The following SIL1 variants were observed in gnomAD, a reference collection of about 807,000 sequenced individuals.
SIL1 encodes SIL1 nucleotide exchange factor.
Under a neutral mutation model 49.1 loss-of-function variants are expected in SIL1, and 40 were observed. That is an observed-to-expected ratio of 0.81 (90% CI 0.63 to 1.06). The LOEUF (loss-of-function observed/expected upper bound fraction) is 1.06. Among genes scored for constraint, SIL1 ranks in the 50% least tolerant of loss-of-function variants. The pLI, the probability that SIL1 is intolerant of heterozygous loss-of-function variation, is 0.00. For missense variants in SIL1, 500 were observed against 572.6 expected (o/e 0.87, Z 1.29); for synonymous variants, 253 against 250.8 (o/e 1.01, Z -0.08).
intron 4 of SIL1, among the ~76,000 whole-genome samples, chr5:139,043,105 C>T (rs1361921868): frequency 1.3e-5 from 2 of 152,188 alleles, no homozygotes; most frequent in African/African-American, 4.8e-5. Context: ...TACTATCATA[C>T]CTTTGTCTTC....
intron 1 of SIL1, among the ~76,000 whole-genome samples, chr5:139,176,893 GGT>G (rs1751894237): frequency 6.6e-6 from 1 of 151,410 alleles, no homozygotes; most frequent in African/African-American, 2.4e-5. Context: ...AATAGTCCAA[GGT>G]CACATAGCTT....
At chr5:139,107,351 A>G (rs1770740837) in intron 3 of SIL1, among the ~76,000 whole-genome samples, 1 of 152,170 alleles carries the variant, frequency 6.6e-6, no homozygotes, top group South Asian at 2.1e-4. Context: ...ATTCTATTTT[A>G]GCTTTTTATT....
chr5:139,191,515 C>T (rs1752171285), intron 1 of SIL1, among the ~76,000 whole-genome samples: 1 of 151,886 alleles, frequency 6.6e-6, no homozygotes, highest in Non-Finnish European at 1.5e-5. Context: ...CATGGTGGCT[C>T]ACACTTGTAA....
intron 7 of SIL1, among the ~76,000 whole-genome samples, chr5:138,991,729 T>A (rs1767765252): frequency 6.6e-6 from 1 of 152,208 alleles, no homozygotes; most frequent in Admixed American, 6.5e-5. Flanking sequence ...TGGGAGAGAA[T>A]ACATCTAACT....
intron 3 of SIL1, among the ~76,000 whole-genome samples, chr5:139,106,782 T>C (rs749026068): frequency 6.6e-6 from 1 of 152,262 alleles, no homozygotes; most frequent in Admixed American, 6.5e-5. Flanking sequence ...AAAGCACATG[T>C]ACCTTTTACA....
intron 3 of SIL1, among the ~76,000 whole-genome samples, chr5:139,103,099 G>A (rs1314383338): frequency 6.6e-6 from 1 of 152,044 alleles, no homozygotes; most frequent in Non-Finnish European, 1.5e-5. Context: ...TGAGGCATTA[G>A]GCGCTCAGTA....
chr5:139,056,549 G>A (rs1226633817), intron 3 of SIL1, among the ~76,000 whole-genome samples: 3 of 150,806 alleles, frequency 2.0e-5, no homozygotes, highest in South Asian at 2.1e-4. Flanking sequence ...AGGGAGGTGG[G>A]GGGGTCAGCC....
At chr5:139,080,070 G>C (rs1205253442) in intron 3 of SIL1, among the ~76,000 whole-genome samples, 1 of 152,066 alleles carries the variant, frequency 6.6e-6, no homozygotes, top group Non-Finnish European at 1.5e-5. Flanking sequence ...ACTGGGGGTG[G>C]GGGGTGGCAC....
intron 1 of SIL1, among the ~76,000 whole-genome samples, chr5:139,185,083 G>A (rs1752055807): frequency 6.6e-6 from 1 of 152,344 alleles, no homozygotes; most frequent in South Asian, 2.1e-4. Context: ...GCCACTGCTT[G>A]TGTGGAGTCT....
chr5:138,951,140 A>C, intron 9 of SIL1, 31 bp downstream of exon 9: 1 of 1,607,552 alleles, frequency 6.2e-7, no homozygotes, highest in Non-Finnish European at 8.5e-7. Flanking sequence ...CAAAGCAAAC[A>C]AGAGGAGACT....
intron 7 of SIL1, among the ~76,000 whole-genome samples, chr5:138,979,607 G>C (rs532849474): frequency 1.3e-5 from 2 of 152,152 alleles, no homozygotes; most frequent in African/African-American, 4.8e-5. Flanking sequence ...AGGCTCAAGT[G>C]ATCCTCCCAC....
chr5:138,988,134 A>C (rs535139719), intron 7 of SIL1, among the ~76,000 whole-genome samples: 1 of 152,282 alleles, frequency 6.6e-6, no homozygotes, highest in Admixed American at 6.5e-5. Flanking sequence ...CGCCTGGCCA[A>C]GTTTTTTACT....
At chr5:138,980,019 T>C (rs1042397967) in intron 7 of SIL1, among the ~76,000 whole-genome samples, 1 of 152,118 alleles carries the variant, frequency 6.6e-6, no homozygotes, top group African/African-American at 2.4e-5. Context: ...GTCACAGGGG[T>C]GAGGTTCTTT....
chr5:139,071,058 T>C (rs752881431), intron 3 of SIL1, among the ~76,000 whole-genome samples: 8 of 152,192 alleles, frequency 5.3e-5, no homozygotes, highest in Non-Finnish European at 1.2e-4. Context: ...CTGTGTCCGA[T>C]TGAGCCCCTG....
At chr5:139,184,702 T>C (rs1752047951) in intron 1 of SIL1, among the ~76,000 whole-genome samples, 1 of 152,052 alleles carries the variant, frequency 6.6e-6, no homozygotes, top group South Asian at 2.1e-4. Context: ...AATAAATAAA[T>C]GGGGATGTCA....
chr5:138,994,125 G>A (rs938156054), intron 7 of SIL1, among the ~76,000 whole-genome samples: 1 of 152,056 alleles, frequency 6.6e-6, no homozygotes, highest in Non-Finnish European at 1.5e-5. Context: ...ATGTCTACTA[G>A]TATTTCAATA....
chr5:139,127,709 G>T, intron 2 of SIL1, 30 bp downstream of exon 2: 8 of 1,568,250 alleles, frequency 5.1e-6, no homozygotes, highest in Non-Finnish European at 7.0e-6. Context: ...CTCATCAAGG[G>T]TCCCTCCCAT....
chr5:139,052,050 G>A (rs1364503648), intron 3 of SIL1, among the ~76,000 whole-genome samples: 1 of 152,190 alleles, frequency 6.6e-6, no homozygotes, highest in African/African-American at 2.4e-5. Flanking sequence ...TGTTAAGTTT[G>A]ATTTAAGAAC....
chr5:139,050,660 G>T (rs746163764), intron 4 of SIL1, among the ~76,000 whole-genome samples: 12 of 152,132 alleles, frequency 7.9e-5, no homozygotes, highest in Admixed American at 2.0e-4. Flanking sequence ...GATTCAAATG[G>T]GTGCTCTTAA....
Sources: gnomAD v4.1 joint callset for allele counts (sites outside exome capture counted in the v4.1 genomes callset) on GRCh38, gnomAD v4.1.1 for gene constraint, MANE v1.5 for transcripts, NCBI Gene and HGNC (gene_info 2026-07-23, HGNC 2026-07-21) for gene names.